The following F3 variants were observed in gnomAD, a reference collection of about 807,000 sequenced individuals.
The protein encoded by F3 is coagulation factor III, tissue factor, also known as tissue factor.
F3 carries 18 observed loss-of-function variants against 33.5 expected under a neutral mutation model. The observed-to-expected ratio is 0.54, with a 90% CI of 0.37 to 0.80. F3 has a LOEUF of 0.80. F3 is among the 30% of genes least tolerant of loss of function. The pLI is 0.00. For missense variants in F3, 353 were observed against 362.1 expected (o/e 0.97, Z 0.20); for synonymous variants, 147 against 140.7 (o/e 1.05, Z -0.32).
rs1304330116 is a variant in F3, at chr1:94,530,643, T to C, written c.752-47A>G. On this transcript the variant is annotated intron_variant, in intron 5 of 5. Coordinates refer to ENST00000334047, the MANE Select transcript of F3 (RefSeq NM_001993.5). Reference sequence around the variant, plus strand: ...GTCAACTTGGAGAGCTCAAATCCCATTTATCAGTGGACAAAATTGACGGCA... The same window carrying C: ...GTCAACTTGGAGAGCTCAAATCCCACTTATCAGTGGACAAAATTGACGGCA... 5 of 1,608,488 alleles carry C rather than the reference T, an allele frequency of 3.1e-6. No homozygotes were observed. In the East Asian group the frequency reaches 1.1e-4, roughly 36 times the overall value.
At chr1:94,538,871 G>A (rs564342676) in intron 2 of F3, among the ~76,000 whole-genome samples, 2 of 152,290 alleles carry the variant, frequency 1.3e-5, no homozygotes, top group African/African-American at 2.4e-5. Flanking sequence ...ACCCTGAGTC[G>A]GCTGGCATCC....
At chr1:94,532,794 C>T (rs145544210) in intron 4 of F3, among the ~76,000 whole-genome samples, 1 of 152,262 alleles carries the variant, frequency 6.6e-6, no homozygotes, top group East Asian at 1.9e-4. Context: ...CTGGGATCCT[C>T]AATAGAGGGA....
chr1:94,538,087 G>A (rs528072488), intron 2 of F3, among the ~76,000 whole-genome samples: 1 of 152,288 alleles, frequency 6.6e-6, no homozygotes, highest in African/African-American at 2.4e-5. Flanking sequence ...GGACAATTCT[G>A]TAGAAAATCC....
intron 3 of F3, among the ~76,000 whole-genome samples, chr1:94,534,327 A>G (rs946295985): frequency 7.2e-5 from 11 of 152,210 alleles, no homozygotes; most frequent in Admixed American, 1.3e-4. Flanking sequence ...GTAGGCTATT[A>G]GTAGTTAAGT....
chr1:94,540,381 G>T lies in F3; in HGVS notation c.101-13C>A. The T allele has an allele frequency of 6.4e-7, 1 of 1,563,564 alleles. No homozygotes were observed. The highest frequency in any genetic ancestry group is 8.8e-7 in the Non-Finnish European group (1 of 1,135,098). ...GTATTTGTAGTGCCTTTAAACAACAGAGAAACAGCTATTATTACATGCACT... is the reference window on the plus strand; with the variant it reads ...GTATTTGTAGTGCCTTTAAACAACATAGAAACAGCTATTATTACATGCACT... On this transcript the variant is annotated splice_polypyrimidine_tract_variant and intron_variant, in intron 1 of 5. Coordinates refer to ENST00000334047, the MANE Select transcript of F3 (RefSeq NM_001993.5).
chr1:94,536,599 T>C (rs534820606), intron 2 of F3, among the ~76,000 whole-genome samples: 1 of 152,346 alleles, frequency 6.6e-6, no homozygotes, highest in South Asian at 2.1e-4. Flanking sequence ...CTCTTGGATC[T>C]GTACTCAACC....
intron 4 of F3, 131 bp from the exon 5 acceptor site, chr1:94,532,611 T>C: frequency 3.2e-6 from 3 of 941,644 alleles, no homozygotes; most frequent in African/African-American, 1.7e-5. Context: ...CGTGAAGGAT[T>C]AGAAGTGACT....
At position 94,533,194 on chromosome 1, in the gene F3, G is replaced by T. The variant is rs5901; in HGVS notation, c.487C>A (p.Arg163=). ...TKVNVTVEDE[R]TLVRRNNTFL... ...GTGTTGTTCCTTCTGACTAAAGTCC[G>T]TTCATCTTCTACGGTCACATTCACT... is the stretch of plus-strand genomic sequence containing the variant. Residue 163 remains arginine, a synonymous_variant, in exon 4 of 6, where the codon CGG becomes AGG. Coordinates refer to ENST00000334047, the MANE Select transcript of F3 (RefSeq NM_001993.5). 6.2e-7 allele frequency: 1 copy of T among 1,613,870 alleles called. No individual in the cohort carries two copies. The highest frequency in any genetic ancestry group is 1.1e-5 in the South Asian group (1 of 90,978).
At chr1:94,533,960 G>T (rs1316931963) in intron 3 of F3, among the ~76,000 whole-genome samples, 1 of 151,822 alleles carries the variant, frequency 6.6e-6, no homozygotes, top group Non-Finnish European at 1.5e-5. Context: ...TCCTCCACCT[G>T]GGTTGAAGTG....
intron 2 of F3, among the ~76,000 whole-genome samples, chr1:94,539,941 A>C (rs1651722543): frequency 6.6e-6 from 1 of 152,226 alleles, no homozygotes; most frequent in Non-Finnish European, 1.5e-5. Context: ...GAGATTAATT[A>C]ATCTATCATG....
intron 2 of F3, among the ~76,000 whole-genome samples, chr1:94,539,664 G>A (rs696619): frequency 0.37 from 55,556 of 151,940 alleles, 11,696 homozygotes; most frequent in East Asian, 0.69. Flanking sequence ...TCAGAGTTGA[G>A]GCACCAAGAA....
chr1:94,539,931 GAGA>G (rs1651722223), intron 2 of F3, among the ~76,000 whole-genome samples: 1 of 152,190 alleles, frequency 6.6e-6, no homozygotes, highest in African/African-American at 2.4e-5. Context: ...ATGTTTAGAT[GAGA>G]TTAATTAATC....
chr1:94,536,217 C>A (rs13306323), intron 2 of F3, 53 bp from the exon 3 acceptor site: 1 of 1,537,798 alleles, frequency 6.5e-7, no homozygotes, highest in South Asian at 1.1e-5. Flanking sequence ...AATTTGCACC[C>A]AACAAGATAG....
At chr1:94,535,620 T>C (rs1244065305) in intron 3 of F3, among the ~76,000 whole-genome samples, 1 of 151,994 alleles carries the variant, frequency 6.6e-6, no homozygotes, top group East Asian at 1.9e-4. Flanking sequence ...GATATATATA[T>C]AGGGAAAAGC....
Position 94,541,567 on chromosome 1 carries a change from A to G in F3, c.70T>C (p.Trp24Arg). ...TAVARTLLLG[W>R]VFAQVAGASG... ...GCGCCGGCCACCTGGGCGAAGACCC[A>G]GCCGAGCAGGAGCGTCCGAGCGACG... The change falls in exon 1 of 6, where the codon TGG becomes CGG. Residue 24 changes from tryptophan to arginine, a missense_variant. Transcript: ENST00000334047. 6.6e-7 allele frequency: 1 copy of G among 1,508,018 alleles called. No homozygotes were observed. Among genetic ancestry groups the G allele is most frequent in the Admixed American group, 2.1e-5 (1 of 46,564 alleles). 93.4% of individuals were successfully genotyped at this position (1,508,018 alleles called of 1,614,324 possible).
At chr1:94,535,275 C>T (rs1338295586) in intron 3 of F3, among the ~76,000 whole-genome samples, 1 of 152,176 alleles carries the variant, frequency 6.6e-6, no homozygotes, top group Non-Finnish European at 1.5e-5. Context: ...AGCTCAGAGC[C>T]ACAGTTGCGG....
At chr1:94,537,468 G>A (rs1436691419) in intron 2 of F3, among the ~76,000 whole-genome samples, 1 of 152,190 alleles carries the variant, frequency 6.6e-6, no homozygotes, top group African/African-American at 2.4e-5. Flanking sequence ...CCACGATGCT[G>A]TTAATATGAA....
At chr1:94,534,692 CA>C (rs1651546431) in intron 3 of F3, among the ~76,000 whole-genome samples, 1 of 152,122 alleles carries the variant, frequency 6.6e-6, no homozygotes, top group Admixed American at 6.5e-5. Context: ...GGGGTCTCTG[CA>C]ATGGCTCAAT....
chr1:94,538,772 G>C (rs1570866540), intron 2 of F3, among the ~76,000 whole-genome samples: 2 of 152,160 alleles, frequency 1.3e-5, no homozygotes, highest in East Asian at 3.9e-4. Flanking sequence ...GGGTGGGCAG[G>C]AGAAGAGTGC....
Sources: allele counts gnomAD v4.1 joint callset (sites outside exome capture counted in the v4.1 genomes callset), GRCh38; gene constraint gnomAD v4.1.1; transcripts MANE v1.5; gene names NCBI Gene and HGNC (gene_info 2026-07-23, HGNC 2026-07-21).